Variants in SLC25A37 observed in about 807,000 individuals in gnomAD.
SLC25A37 encodes solute carrier family 25 member 37.
In SLC25A37, 17 loss-of-function variants were observed where a neutral mutation model predicts 31.0. The ratio of observed to expected loss-of-function variants is 0.55; its 90% CI spans 0.38 to 0.82. The LOEUF (loss-of-function observed/expected upper bound fraction) is 0.82, where lower values mean the gene tolerates loss of function less well. Among genes scored for constraint, SLC25A37 ranks in the 40% least tolerant of loss-of-function variants. The pLI is 0.00. For synonymous variants in SLC25A37, 222 were observed against 193.0 expected (o/e 1.15, Z -1.24); for missense variants, 404 against 465.8 (o/e 0.87, Z 1.22).
chr8:23,541,136 T>C (rs1478291378), intron 1 of SLC25A37, among the ~76,000 whole-genome samples: 2 of 152,064 alleles, frequency 1.3e-5, no homozygotes, highest in African/African-American at 4.8e-5. Context: ...GAGCCAGTGC[T>C]GCTCACAGCA....
intron 1 of SLC25A37, among the ~76,000 whole-genome samples, chr8:23,551,989 A>G (rs1217098586): frequency 1.3e-5 from 2 of 152,202 alleles, no homozygotes; most frequent in African/African-American, 4.8e-5. Flanking sequence ...CTGGGACTCC[A>G]GGATCTATTG....
intron 1 of SLC25A37, among the ~76,000 whole-genome samples, chr8:23,562,362 A>G (rs1466181929): frequency 6.6e-6 from 1 of 152,230 alleles, no homozygotes; most frequent in African/African-American, 2.4e-5. Flanking sequence ...ATTAAAGGTG[A>G]TGGCAAGCAC....
chr8:23,571,030 C>G (rs548045887), intron 3 of SLC25A37, among the ~76,000 whole-genome samples: 2 of 152,308 alleles, frequency 1.3e-5, no homozygotes, highest in Non-Finnish European at 2.9e-5. Context: ...ATCAGCGACT[C>G]TAGTCTGAAG....
chr8:23,538,650 G>T (rs1425959610), intron 1 of SLC25A37, among the ~76,000 whole-genome samples: 1 of 151,938 alleles, frequency 6.6e-6, no homozygotes, highest in Non-Finnish European at 1.5e-5. Flanking sequence ...TGCCCTCTTG[G>T]CTAGGCACTG....
At chr8:23,566,508 G>A (rs1034536966) in intron 2 of SLC25A37, 172 bp downstream of exon 2, 33 of 1,377,484 alleles carry the variant, frequency 2.4e-5, no homozygotes, top group East Asian at 6.1e-5. Flanking sequence ...GCACACACAC[G>A]CGCGCGCACA....
chr8:23,566,433 G>A (rs1038349588), intron 2 of SLC25A37, 97 bp downstream of exon 2: 30 of 1,498,530 alleles, frequency 2.0e-5, no homozygotes, highest in Non-Finnish European at 2.6e-5. Context: ...CCTCGACTTC[G>A]GCCCGCTTGC....
intron 2 of SLC25A37, 22 bp downstream of exon 2, chr8:23,566,358 G>A: frequency 6.3e-7 from 1 of 1,593,474 alleles, no homozygotes. Flanking sequence ...GCGTTTGTCT[G>A]GAGTTAGAAA....
At chr8:23,549,657 C>T (rs1269877380) in intron 1 of SLC25A37, among the ~76,000 whole-genome samples, 1 of 152,200 alleles carries the variant, frequency 6.6e-6, no homozygotes, top group Non-Finnish European at 1.5e-5. Flanking sequence ...GGAGAAAGAA[C>T]ATCCCTTCGA....
At chr8:23,557,890 C>T (rs561207451) in intron 1 of SLC25A37, among the ~76,000 whole-genome samples, 88 of 152,318 alleles carry the variant, frequency 5.8e-4, no homozygotes, top group Non-Finnish European at 9.3e-4. Flanking sequence ...CCTAAACTTT[C>T]GAGGTGCCCG....
intron 1 of SLC25A37, 97 bp from the exon 2 acceptor site, chr8:23,566,011 T>C (rs1256948481): frequency 7.0e-7 from 1 of 1,436,126 alleles, no homozygotes; most frequent in African/African-American, 1.5e-5. Flanking sequence ...AACTATGACA[T>C]TGTTTTTCTC....
intron 2 of SLC25A37, 166 bp downstream of exon 2, chr8:23,566,502 A>G (rs2117454870): frequency 7.1e-7 from 1 of 1,408,090 alleles, no homozygotes; most frequent in African/African-American, 1.5e-5. Flanking sequence ...ACGCACGCAC[A>G]CACACGCGCG....
intron 2 of SLC25A37, chr8:23,567,266 A>T (rs936079732): frequency 2.0e-5 from 3 of 152,094 alleles, no homozygotes; most frequent in Non-Finnish European, 4.4e-5. Flanking sequence ...CCTTGGTCAT[A>T]AGTGTGCCTG....
intron 1 of SLC25A37, among the ~76,000 whole-genome samples, chr8:23,565,409 G>C (rs1041592282): frequency 2.0e-5 from 3 of 151,798 alleles, no homozygotes; most frequent in Non-Finnish European, 4.4e-5. Flanking sequence ...TTATGCATAC[G>C]AAGAAATTAA....
chr8:23,549,305 A>C (rs996721429), intron 1 of SLC25A37, among the ~76,000 whole-genome samples: 7 of 152,064 alleles, frequency 4.6e-5, no homozygotes, highest in African/African-American at 1.7e-4. Flanking sequence ...TCACTTTTGG[A>C]AACCCTTCTG....
chr8:23,543,587 T>C (rs1404793077), intron 1 of SLC25A37, among the ~76,000 whole-genome samples: 1 of 152,160 alleles, frequency 6.6e-6, no homozygotes, highest in Non-Finnish European at 1.5e-5. Context: ...AAAAAATCTT[T>C]TGGCTGGTTG....
chr8:23,549,033 T>C (rs902018340), intron 1 of SLC25A37, among the ~76,000 whole-genome samples: 2 of 152,160 alleles, frequency 1.3e-5, no homozygotes, highest in Non-Finnish European at 2.9e-5. Context: ...TTGCCCTCAT[T>C]GCACCTTCTA....
chr8:23,573,682 G>A lies in SLC25A37; in HGVS notation c.*1827G>A, dbSNP rs893878628. 2.8e-5 allele frequency: 12 copies of A among 421,526 alleles called. No individual in the cohort carries two copies. The highest frequency in any genetic ancestry group is 2.4e-4 in the African/African-American group (12 of 49,240). The allele number at this position is 421,526 out of a possible 1,614,324, so 26.1% of individuals were successfully genotyped here. Reference sequence around the variant, plus strand: ...ATGAAGAATTTTATCAGTCAGTGGAGTTCCTTTTTCAGATCAGGGATGGGA... The same window carrying A: ...ATGAAGAATTTTATCAGTCAGTGGAATTCCTTTTTCAGATCAGGGATGGGA... On this transcript the variant is annotated 3_prime_UTR_variant, in exon 4 of 4. Coordinates refer to ENST00000519973, the MANE Select transcript of SLC25A37 (RefSeq NM_016612.4).
Position 23,532,539 on chromosome 8 carries a change from G to A in SLC25A37, c.210+3327G>A, listed in dbSNP as rs192120857. 6.2e-4 allele frequency among the ~76,000 whole-genome samples: 94 copies of A among 152,288 alleles called. No individual in the cohort carries two copies. In the East Asian group the frequency reaches 0.012, roughly 19 times the overall value. On this transcript the variant is annotated intron_variant, in intron 1 of 3. Coordinates refer to ENST00000519973, the MANE Select transcript of SLC25A37 (RefSeq NM_016612.4). ...TCCAACCAGATTAGGCACACCACTC[G>A]GAGACCATGCCGAGTCCCGCCTGGG...
chr8:23,551,696 C>A (rs1802230052), intron 1 of SLC25A37, among the ~76,000 whole-genome samples: 1 of 152,020 alleles, frequency 6.6e-6, no homozygotes, highest in African/African-American at 2.4e-5. Flanking sequence ...ATTAGGAGCC[C>A]CACTTACAGA....
Sources: gnomAD v4.1 joint callset for allele counts (sites outside exome capture counted in the v4.1 genomes callset) on GRCh38, gnomAD v4.1.1 for gene constraint, MANE v1.5 for transcripts, NCBI Gene and HGNC (gene_info 2026-07-23, HGNC 2026-07-21) for gene names.